The following GPC6 variants were observed in gnomAD, a reference collection of about 807,000 sequenced individuals.
The protein encoded by GPC6 is glypican-6.
In GPC6, 14 loss-of-function variants were observed where a neutral mutation model predicts 55.2. That is an observed-to-expected ratio of 0.25 (90% CI 0.17 to 0.40). The LOEUF is 0.40. GPC6 is among the 10% of genes least tolerant of loss of function. The probability of loss-of-function intolerance (pLI) is 1.00; values close to 1 mark genes in which losing one functional copy is unlikely to be tolerated. For synonymous variants in GPC6, 278 were observed against 259.6 expected (o/e 1.07, Z -0.68); for missense variants, 641 against 708.5 (o/e 0.90, Z 1.08).
intron 1 of GPC6, among the ~76,000 whole-genome samples, chr13:93,319,852 A>G (rs1879373818): frequency 6.6e-6 from 1 of 152,048 alleles, no homozygotes; most frequent in Admixed American, 6.6e-5. Context: ...TCCTTCATAT[A>G]CAACATATGA....
intron 6 of GPC6, among the ~76,000 whole-genome samples, chr13:94,318,847 TCTA>T (rs1876674539): frequency 6.6e-6 from 1 of 152,188 alleles, no homozygotes; most frequent in South Asian, 2.1e-4. Flanking sequence ...ATTTCCTTTC[TCTA>T]CTAACTGCTG....
At chr13:94,143,042 G>C (rs2138883271) in intron 4 of GPC6, among the ~76,000 whole-genome samples, 1 of 151,666 alleles carries the variant, frequency 6.6e-6, no homozygotes, top group South Asian at 2.1e-4. Flanking sequence ...GGTCAAGATG[G>C]TCTCGATCTC....
chr13:93,704,286 A>G (rs1251042144), intron 2 of GPC6, among the ~76,000 whole-genome samples: 1 of 151,904 alleles, frequency 6.6e-6, no homozygotes, highest in Non-Finnish European at 1.5e-5. Flanking sequence ...GCCCCCAAAT[A>G]AGGAAGAATT....
chr13:94,183,311 G>A (rs572419895), intron 4 of GPC6, among the ~76,000 whole-genome samples: 1 of 152,212 alleles, frequency 6.6e-6, no homozygotes, highest in African/African-American at 2.4e-5. Flanking sequence ...TGCAATATTT[G>A]TCCTTTTGTG....
chr13:93,971,762 AAG>A (rs1303494799), intron 3 of GPC6, among the ~76,000 whole-genome samples: 1 of 152,200 alleles, frequency 6.6e-6, no homozygotes, highest in Non-Finnish European at 1.5e-5. Context: ...AGGATTGCAG[AAG>A]AGAGAAGCTA....
chr13:94,077,883 T>C (rs1436470413), intron 4 of GPC6, among the ~76,000 whole-genome samples: 3 of 151,910 alleles, frequency 2.0e-5, no homozygotes, highest in Non-Finnish European at 4.4e-5. Flanking sequence ...AGTATTTCAC[T>C]GAGGATTTTT....
At chr13:93,379,626 T>C (rs1407965233) in intron 1 of GPC6, among the ~76,000 whole-genome samples, 1 of 152,170 alleles carries the variant, frequency 6.6e-6, no homozygotes, top group Non-Finnish European at 1.5e-5. Flanking sequence ...ACTTTTTTAC[T>C]TCCTTAATAT....
intron 4 of GPC6, among the ~76,000 whole-genome samples, chr13:94,256,836 A>G (rs988491318): frequency 6.6e-6 from 1 of 152,176 alleles, no homozygotes; most frequent in African/African-American, 2.4e-5. Context: ...GGGAGCTGTA[A>G]TTATTAAGAA....
intron 4 of GPC6, among the ~76,000 whole-genome samples, chr13:94,212,442 A>G (rs1246312569): frequency 6.6e-6 from 1 of 152,176 alleles, no homozygotes; most frequent in Non-Finnish European, 1.5e-5. Flanking sequence ...TACAAATATT[A>G]TTATCATCAT....
intron 2 of GPC6, among the ~76,000 whole-genome samples, chr13:93,631,107 A>T (rs952214029): frequency 2.0e-5 from 3 of 152,104 alleles, no homozygotes; most frequent in Non-Finnish European, 4.4e-5. Context: ...GGTCATGAAA[A>T]ATTAGGCTCG....
intron 2 of GPC6, among the ~76,000 whole-genome samples, chr13:93,733,861 T>G (rs1056622524): frequency 9.2e-5 from 14 of 152,176 alleles, no homozygotes; most frequent in Admixed American, 9.2e-4. Context: ...AGGTTCACTG[T>G]GCTTAGGAAC....
chr13:94,261,003 GTGGCTCATGTCTGTAATCCTAGCACTT>G (rs1233092445), intron 4 of GPC6, among the ~76,000 whole-genome samples: 1 of 152,188 alleles, frequency 6.6e-6, no homozygotes, highest in Non-Finnish European at 1.5e-5. Flanking sequence ...GCCGGGCACA[GTGGCTCATGTCTGTAATCCTAGCACTT>G]TGGGAGGCCA....
At chr13:93,233,878 C>T (rs1876143527) in intron 1 of GPC6, among the ~76,000 whole-genome samples, 1 of 152,126 alleles carries the variant, frequency 6.6e-6, no homozygotes, top group Non-Finnish European at 1.5e-5. Flanking sequence ...CCAAAGGTAA[C>T]CCCTGCTTCT....
chr13:93,276,483 AGAGAGAGAGAGAGTGTGTGT>A (rs1340510769), intron 1 of GPC6, among the ~76,000 whole-genome samples: 1 of 134,058 alleles, frequency 7.5e-6, no homozygotes, highest in African/African-American at 3.3e-5. Context: ...AGAGAGAGAG[AGAGAGAGAGAGAGTGTGTGT>A]GTGTGTGTGT....
At chr13:93,997,601 G>GTGTGTGTC (rs1157427563) in intron 3 of GPC6, among the ~76,000 whole-genome samples, 1 of 151,846 alleles carries the variant, frequency 6.6e-6, no homozygotes, top group African/African-American at 2.4e-5. Context: ...GTGTGTGTGT[G>GTGTGTGTC]TGTGTGCATG....
chr13:93,663,005 A>G (rs550681084), intron 2 of GPC6, among the ~76,000 whole-genome samples: 1 of 151,852 alleles, frequency 6.6e-6, no homozygotes, highest in African/African-American at 2.4e-5. Flanking sequence ...AATCACTGTG[A>G]TAGAAAAATG....
chr13:94,182,828 G>T (rs192934936), intron 4 of GPC6, among the ~76,000 whole-genome samples: 2 of 151,996 alleles, frequency 1.3e-5, no homozygotes, highest in Admixed American at 1.3e-4. Flanking sequence ...CCCAGGCTCC[G>T]TCAGTGGCAC....
chr13:93,906,273 A>T (rs1264213276), intron 3 of GPC6, among the ~76,000 whole-genome samples: 1 of 152,146 alleles, frequency 6.6e-6, no homozygotes, highest in Non-Finnish European at 1.5e-5. Flanking sequence ...TAGATTTTGC[A>T]TCTTCTCTTA....
chr13:94,354,009 A>G (rs921450415), intron 6 of GPC6, among the ~76,000 whole-genome samples: 2 of 151,624 alleles, frequency 1.3e-5, no homozygotes, highest in African/African-American at 4.8e-5. Flanking sequence ...CACTGTGGTC[A>G]TATAATAACA....
Sources: allele counts gnomAD v4.1 joint callset (sites outside exome capture counted in the v4.1 genomes callset), GRCh38; gene constraint gnomAD v4.1.1; transcripts MANE v1.5; gene names NCBI Gene and HGNC (gene_info 2026-07-23, HGNC 2026-07-21).